Variants in MYO16 observed in about 807,000 individuals in gnomAD.
MYO16 encodes the protein unconventional myosin-XVI.
A neutral mutation model predicts 205.3 loss-of-function variants in MYO16; 94 were observed. That is an observed-to-expected ratio of 0.46 (90% CI 0.39 to 0.54). MYO16 has a LOEUF of 0.54. Ranked by LOEUF, MYO16 falls within the 20% of genes least tolerant of loss-of-function variation. The pLI, the probability that MYO16 is intolerant of heterozygous loss-of-function variation, is 0.00. For synonymous variants in MYO16, 988 were observed against 954.0 expected, an observed-to-expected ratio of 1.04 and a Z score of -0.66; for missense variants, 2,315 against 2,387.5, an observed-to-expected ratio of 0.97 and a Z score of 0.63.
At chr13:108,667,926 G>C (rs1437689730) in intron 2 of MYO16, among the ~76,000 whole-genome samples, 2 of 152,054 alleles carry the variant, frequency 1.3e-5, no homozygotes, top group Non-Finnish European at 2.9e-5. Flanking sequence ...TGCATGCCCA[G>C]CTACTCAAGG....
rs146917676 is a variant in MYO16, at chr13:108,986,724, C to T, written c.2370-5652C>T. ...TATAATTGATCTGTTATTATGTATA[C>T]TCTTCTCACTACTACAGTTATTGAT... On this transcript the variant is annotated intron_variant, in intron 20 of 34. Coordinates refer to ENST00000457511, the MANE Select transcript of MYO16 (RefSeq NM_001198950.3). Among the ~76,000 whole-genome samples, 44 of 150,466 alleles carry T rather than the reference C, an allele frequency of 2.9e-4. No individual in the cohort carries two copies. In the East Asian group the frequency reaches 4.2e-3, roughly 14 times the overall value.
intron 1 of MYO16, among the ~76,000 whole-genome samples, chr13:108,644,649 C>CT (rs528303417): frequency 2.8e-4 from 42 of 151,650 alleles, no homozygotes; most frequent in South Asian, 6.3e-4. Flanking sequence ...CATTTAACAT[C>CT]TTTTTTTTTC....
In MYO16 at chr13:109,164,974, C is replaced by T; in HGVS notation, c.5238C>T (p.Asp1746=). The T allele has an allele frequency of 1.2e-6, 2 of 1,607,576 alleles. No homozygotes were observed. The highest frequency in any genetic ancestry group is 1.7e-6 in the Non-Finnish European group (2 of 1,175,718). The change falls in exon 33 of 35, where the codon GAC becomes GAT. Residue 1746 remains aspartate, a synonymous_variant. Coordinates refer to ENST00000457511, the MANE Select transcript of MYO16 (RefSeq NM_001198950.3). ...STSEITSETQ[D]RNANNHGIQL... ...CAGAAATTACTTCCGAGACTCAAGA[C>T]AGAAATGCAAATAACCATGGAATTC...
chr13:108,628,510 G>A (rs902608661), upstream of MYO16, among the ~76,000 whole-genome samples: 5 of 152,294 alleles, frequency 3.3e-5, no homozygotes, highest in Admixed American at 2.0e-4. Context: ...GGCTTTAGCA[G>A]GTTAAATAAT....
intron 34 of MYO16, among the ~76,000 whole-genome samples, chr13:109,199,444 G>C (rs543388650): frequency 9.2e-5 from 14 of 151,708 alleles, no homozygotes; most frequent in African/African-American, 3.1e-4. Context: ...CTTGCCTTCT[G>C]GTTCTAAAAG....
intron 28 of MYO16, among the ~76,000 whole-genome samples, chr13:109,113,707 T>C (rs72656261): frequency 0.023 from 3,503 of 152,176 alleles, 63 homozygotes; most frequent in South Asian, 0.044. Context: ...GATGAGGTGA[T>C]GACGACTCCA....
chr13:108,542,103 C>T, the MYO16 span, among the ~76,000 whole-genome samples: 6 of 152,070 alleles, frequency 3.9e-5, no homozygotes, highest in Non-Finnish European at 7.4e-5. Flanking sequence ...AAATGTGGTA[C>T]ATATACATCA....
chr13:108,758,509 G>A (rs1322355678), intron 4 of MYO16, among the ~76,000 whole-genome samples: 1 of 152,112 alleles, frequency 6.6e-6, no homozygotes, highest in Non-Finnish European at 1.5e-5. Context: ...CAGCTAAAGG[G>A]AAGAGAAAAG....
At chr13:108,921,689 G>C (rs1881752157) in intron 16 of MYO16, among the ~76,000 whole-genome samples, 1 of 152,214 alleles carries the variant, frequency 6.6e-6, no homozygotes, top group African/African-American at 2.4e-5. Context: ...GTGACTGACT[G>C]TCTTTTGCAA....
chr13:108,979,736 A>T (rs1884389900), intron 20 of MYO16, among the ~76,000 whole-genome samples: 1 of 152,082 alleles, frequency 6.6e-6, no homozygotes, highest in Non-Finnish European at 1.5e-5. Flanking sequence ...TTTCTCTGCA[A>T]TTGTGCATTT....
At position 109,055,456 on chromosome 13, in the gene MYO16, C is replaced by G; in HGVS notation, c.3196C>G (p.Pro1066Ala). 1 of 1,613,128 alleles carries G rather than the reference C, an allele frequency of 6.2e-7. No homozygotes were observed. The highest frequency in any genetic ancestry group is 8.5e-7 in the Non-Finnish European group (1 of 1,179,432). ...CTPHFIHCIR[P>A]NNSKLPDTFD... ...TCCACACTTCATTCATTGCATCAGG[C>G]CCAATAACTCAAAGCTGCCAGATAC... Residue 1066 changes from proline (P) to alanine (A), a missense_variant, in exon 27 of 35, where the codon CCC (proline) becomes GCC (alanine). Physicochemically the swap from Pro to Ala is conservative, Grantham distance 27 (BLOSUM62 -1). Transcript: ENST00000457511. This position sits in a 1 kb window ranked among gnomAD's most constrained non-coding sequence, Gnocchi z 5.0.
At chr13:108,932,897 C>A (rs1224001953) in intron 16 of MYO16, among the ~76,000 whole-genome samples, 1 of 152,026 alleles carries the variant, frequency 6.6e-6, no homozygotes, top group Non-Finnish European at 1.5e-5. Flanking sequence ...ATGGACTGTC[C>A]CTTACTTCCT....
chr13:108,791,690 G>T (rs1310381091), intron 5 of MYO16, among the ~76,000 whole-genome samples: 1 of 152,172 alleles, frequency 6.6e-6, no homozygotes, highest in East Asian at 1.9e-4. Flanking sequence ...CAGAGTTGAA[G>T]TGCCCCATGG....
intron 27 of MYO16, among the ~76,000 whole-genome samples, chr13:109,076,416 A>G (rs959053286): frequency 6.6e-6 from 1 of 152,158 alleles, no homozygotes; most frequent in African/African-American, 2.4e-5. Context: ...AACAACACAG[A>G]GTTGATGGTG....
intron 15 of MYO16, among the ~76,000 whole-genome samples, chr13:108,900,558 C>T (rs1331493117): frequency 6.6e-6 from 1 of 152,210 alleles, no homozygotes; most frequent in East Asian, 1.9e-4. Flanking sequence ...ACTGCAGTCT[C>T]TGAACATAAA....
intron 8 of MYO16, 138 bp downstream of exon 8, chr13:108,820,550 C>T (rs1875912056): frequency 1.5e-6 from 1 of 681,072 alleles, no homozygotes; most frequent in Admixed American, 2.5e-5. Flanking sequence ...CAGCCCAGTT[C>T]AAGCACAATT....
At position 109,141,326 on chromosome 13, in the gene MYO16, G is replaced by A; in HGVS notation, c.5114G>A (p.Arg1705Lys). Residue 1705 changes from arginine to lysine, a missense_variant, in exon 32 of 35, where the codon AGG (arginine) becomes AAG (lysine). Around this residue, in one of 3 missense-constraint regions of MYO16, gnomAD observed 1,097 missense variants for 1,092.0 expected, o/e 1.00. Coordinates refer to ENST00000457511, the MANE Select transcript of MYO16 (RefSeq NM_001198950.3). The surrounding 1 kb of genome is among the most constrained non-coding windows in gnomAD (Gnocchi z 4.1). ...CTCGCCAGCCTCTTCAACTCGGGGA[G>A]GAGTGTGCTTCGGAAATCCGCGGCG... ...DELASLFNSG[R>K]SVLRKSAAGR... The A allele has an allele frequency of 6.4e-7, 1 of 1,571,140 alleles. No homozygotes were observed.
At chr13:108,508,330 A>T in the MYO16 span, among the ~76,000 whole-genome samples, 1 of 151,738 alleles carries the variant, frequency 6.6e-6, no homozygotes, top group African/African-American at 2.4e-5. Context: ...TAGTCAGCCC[A>T]GCTAGAGGTT....
intron 27 of MYO16, among the ~76,000 whole-genome samples, chr13:109,067,600 C>T (rs1887792994): frequency 6.6e-6 from 1 of 152,172 alleles, no homozygotes. Context: ...ACAGGCACAT[C>T]AGGACGGCAC....
Sources: gnomAD v4.1 joint callset for allele counts (sites outside exome capture counted in the v4.1 genomes callset) on GRCh38, gnomAD v4.1.1 for gene constraint, gnomAD v4.1.1 regional missense constraint, Gnocchi (gnomAD v3.1) non-coding constraint, MANE v1.5 for transcripts, NCBI Gene and HGNC (gene_info 2026-07-23, HGNC 2026-07-21) for gene names.